The following UBE2H variants were observed in gnomAD, a reference collection of about 807,000 sequenced individuals.
The protein encoded by UBE2H is ubiquitin-conjugating enzyme E2 H.
A neutral mutation model predicts 29.0 loss-of-function variants in UBE2H; 3 were observed. That is an observed-to-expected ratio of 0.10 (90% confidence interval 0.05 to 0.27). The LOEUF (loss-of-function observed/expected upper bound fraction) is 0.27, where lower values mean the gene tolerates loss of function less well. UBE2H is among the 10% of genes least tolerant of loss of function. The probability of loss-of-function intolerance (pLI) is 1.00; values close to 1 mark genes in which losing one functional copy is unlikely to be tolerated. For synonymous variants in UBE2H, 69 were observed against 82.9 expected (o/e 0.83, Z 0.91); for missense variants, 68 against 228.2 (o/e 0.30, Z 4.52).
chr7:129,930,032 G>A (rs143944779), intron 1 of UBE2H, among the ~76,000 whole-genome samples: 190 of 152,090 alleles, frequency 1.2e-3, no homozygotes, highest in African/African-American at 4.2e-3. Context: ...CAAAAAAAAC[G>A]GATATACAAG....
chr7:129,860,175 G>A (rs755303605), intron 3 of UBE2H, among the ~76,000 whole-genome samples: 4 of 152,312 alleles, frequency 2.6e-5, no homozygotes, highest in African/African-American at 9.6e-5. Context: ...CCCTGAAGTA[G>A]AAAACAGGGG....
intron 3 of UBE2H, among the ~76,000 whole-genome samples, chr7:129,877,749 A>G (rs1474267691): frequency 1.3e-5 from 2 of 152,218 alleles, no homozygotes; most frequent in Non-Finnish European, 2.9e-5. Context: ...GTTAATAAAC[A>G]AGCAATGCCT....
At chr7:129,863,061 T>C (rs1469492343) in intron 3 of UBE2H, among the ~76,000 whole-genome samples, 1 of 152,206 alleles carries the variant, frequency 6.6e-6, no homozygotes, top group Non-Finnish European at 1.5e-5. Context: ...CTTTAAATGT[T>C]TATCAAAACG....
intron 1 of UBE2H, among the ~76,000 whole-genome samples, chr7:129,921,696 A>AC (rs1807167300): frequency 1.6e-5 from 2 of 125,464 alleles, no homozygotes; most frequent in Non-Finnish European, 3.4e-5. Context: ...CTCTGTCACA[A>AC]AAAAAAAAAA....
chr7:129,854,735 C>T (rs1805674370), intron 5 of UBE2H, among the ~76,000 whole-genome samples: 1 of 152,144 alleles, frequency 6.6e-6, no homozygotes, highest in South Asian at 2.1e-4. Flanking sequence ...GAAATGCAAA[C>T]ATGTCTACAC....
At chr7:129,894,231 A>C (rs1238937135) in intron 1 of UBE2H, among the ~76,000 whole-genome samples, 1 of 152,138 alleles carries the variant, frequency 6.6e-6, no homozygotes, top group African/African-American at 2.4e-5. Context: ...AAGCAGGCAG[A>C]TCTTTTGAGC....
chr7:129,920,467 T>A (rs1280410005), intron 1 of UBE2H, among the ~76,000 whole-genome samples: 1 of 152,092 alleles, frequency 6.6e-6, no homozygotes, highest in Non-Finnish European at 1.5e-5. Flanking sequence ...TAACTCAATA[T>A]AAATGAACTG....
intron 1 of UBE2H, among the ~76,000 whole-genome samples, chr7:129,895,204 A>G (rs1806575268): frequency 6.6e-6 from 1 of 152,142 alleles, no homozygotes; most frequent in Admixed American, 6.5e-5. Context: ...AGAAGTCCCA[A>G]GTGGCATTTA....
chr7:129,880,787 A>C (rs888300745), intron 2 of UBE2H, 108 bp downstream of exon 2: 2 of 906,854 alleles, frequency 2.2e-6, no homozygotes. Context: ...CAGTCCAACT[A>C]AACTTGCTTT....
chr7:129,930,873 A>ACTCCAG (rs1807376689), intron 1 of UBE2H, among the ~76,000 whole-genome samples: 1 of 123,108 alleles, frequency 8.1e-6, no homozygotes, highest in Admixed American at 1.0e-4. Context: ...GCCCCACTGC[A>ACTCCAG]CTCCAGCCTG....
intron 3 of UBE2H, among the ~76,000 whole-genome samples, chr7:129,865,780 A>G (rs1805892661): frequency 6.6e-6 from 1 of 152,256 alleles, no homozygotes; most frequent in African/African-American, 2.4e-5. Context: ...AAACTGATTA[A>G]TTCTATTTTT....
At chr7:129,906,927 T>C (rs1365939740) in intron 1 of UBE2H, among the ~76,000 whole-genome samples, 2 of 152,188 alleles carry the variant, frequency 1.3e-5, no homozygotes, top group Non-Finnish European at 2.9e-5. Flanking sequence ...AGATAAAATC[T>C]CCAATGTGCA....
intron 1 of UBE2H, among the ~76,000 whole-genome samples, chr7:129,892,409 G>C (rs543418752): frequency 6.6e-6 from 1 of 151,830 alleles, no homozygotes; most frequent in South Asian, 2.1e-4. Context: ...ACACCACCAC[G>C]CCCGGCTAAT....
At chr7:129,906,561 T>C (rs913929146) in intron 1 of UBE2H, among the ~76,000 whole-genome samples, 3 of 152,116 alleles carry the variant, frequency 2.0e-5, no homozygotes, top group Admixed American at 6.6e-5. Flanking sequence ...GAGAAACAGA[T>C]AGGCATCTAG....
At chr7:129,870,835 C>T (rs1342595697) in intron 3 of UBE2H, among the ~76,000 whole-genome samples, 1 of 151,694 alleles carries the variant, frequency 6.6e-6, no homozygotes, top group Non-Finnish European at 1.5e-5. Flanking sequence ...TCTGTGAACT[C>T]AACCCTGCCT....
At chr7:129,905,652 G>A (rs1487755943) in intron 1 of UBE2H, among the ~76,000 whole-genome samples, 1 of 152,178 alleles carries the variant, frequency 6.6e-6, no homozygotes, top group Non-Finnish European at 1.5e-5. Flanking sequence ...AATGTTTGAG[G>A]TGAACCTCAC....
In UBE2H at chr7:129,944,738, ACACACACACACACG is replaced by A. The variant is rs771641057; in HGVS notation, c.53+7751_53+7764del. On this transcript the variant is annotated intron_variant, in intron 1 of 6. Transcript: ENST00000355621. ...AAAACACACACACACACACACACAC[ACACACACACACACG>A]CACGCACGCACGCGCATGCGCAAAC... Among the ~76,000 whole-genome samples the A allele has an allele frequency of 7.0e-3, 956 of 136,708 alleles. 3 individuals carry two copies. Among genetic ancestry groups the A allele is most frequent in the Non-Finnish European group, 9.8e-3 (606 of 61,772 alleles). The allele number at this position is 136,708 out of a possible 152,430, so 89.7% of individuals were successfully genotyped here. A position where few individuals can be genotyped will look rare whatever the true frequency, so the allele number is the denominator to read the frequency against.
At position 129,863,808 on chromosome 7, in the gene UBE2H, G is replaced by GTTTTTTTTTTTCTGTTTTTT. The variant is rs1554432032; in HGVS notation, c.206-4868_206-4867insAAAAAACAGAAAAAAAAAAA. Among the ~76,000 whole-genome samples, 21 of 136,042 alleles carry GTTTTTTTTTTTCTGTTTTTT rather than the reference G, an allele frequency of 1.5e-4. 1 individual carries two copies. Among genetic ancestry groups the GTTTTTTTTTTTCTGTTTTTT allele is most frequent in the South Asian group, 2.3e-4 (1 of 4,324 alleles). The allele number at this position is 136,042 out of a possible 152,430, so 89.2% of individuals were successfully genotyped here. A position where few individuals can be genotyped will look rare whatever the true frequency, so the allele number is the denominator to read the frequency against. On this transcript the variant is annotated intron_variant, in intron 3 of 6. Transcript: ENST00000355621. The stretch of plus-strand genomic sequence containing the variant: ...AAAATGATCTCTTCCAATACTAGGT[G>GTTTTTTTTTTTCTGTTTTTT]TTTTTTTTTTTTTTTGAGATAAGGT...
chr7:129,888,338 C>G (rs931555666), intron 1 of UBE2H, among the ~76,000 whole-genome samples: 1 of 152,202 alleles, frequency 6.6e-6, no homozygotes. Context: ...GGGCTGCTAT[C>G]AGTGATGAAA....
Sources: gnomAD v4.1 joint callset for allele counts (sites outside exome capture counted in the v4.1 genomes callset) on GRCh38, gnomAD v4.1.1 for gene constraint, MANE v1.5 for transcripts, NCBI Gene and HGNC (gene_info 2026-07-23, HGNC 2026-07-21) for gene names.